Variants in GALNT11 observed in about 807,000 individuals in gnomAD.
The protein encoded by GALNT11 is polypeptide N-acetylgalactosaminyltransferase 11.
GALNT11 carries 47 observed loss-of-function variants against 72.7 expected under a neutral mutation model. The ratio of observed to expected loss-of-function variants is 0.65; its 90% CI spans 0.51 to 0.82. GALNT11 has a LOEUF of 0.82. GALNT11 is among the 40% of genes least tolerant of loss of function. The pLI is 0.00. For missense variants in GALNT11, 677 were observed against 778.4 expected (o/e 0.87, Z 1.55); for synonymous variants, 270 against 286.6 (o/e 0.94, Z 0.58).
chr7:152,099,829 A>G (rs977820072), intron 2 of GALNT11, among the ~76,000 whole-genome samples: 1 of 148,636 alleles, frequency 6.7e-6, no homozygotes, highest in African/African-American at 2.5e-5. Flanking sequence ...CAGTGGCACA[A>G]CTGTGGCTCA....
chr7:152,109,152 C>G (rs1035644056), intron 6 of GALNT11, among the ~76,000 whole-genome samples: 2 of 152,266 alleles, frequency 1.3e-5, no homozygotes, highest in Admixed American at 6.5e-5. Context: ...CAGCTGTAGG[C>G]TCTATCCGGG....
rs1317173420 is a variant in GALNT11 at position 152,069,996 on chromosome 7, TC to T, written c.-38-24193del. Among the ~76,000 whole-genome samples the T allele has an allele frequency of 1.2e-3, 165 of 143,298 alleles. 1 individual carries two copies. The highest frequency in any genetic ancestry group is 4.5e-3 in the African/African-American group (154 of 33,902). 94.0% of individuals were successfully genotyped at this position (143,298 alleles called of 152,430 possible). ...TTCTTTCTTTTTTCTTTTTTCTTTT[TC>T]TTTTTCTTTTTTTTTTTGAGACAGA... is the stretch of plus-strand genomic sequence containing the variant. On this transcript the variant is annotated intron_variant, in intron 1 of 11. Coordinates refer to ENST00000430044, the MANE Select transcript of GALNT11 (RefSeq NM_022087.4).
At chr7:152,097,354 A>C (rs992390435) in intron 2 of GALNT11, among the ~76,000 whole-genome samples, 3 of 152,202 alleles carry the variant, frequency 2.0e-5, no homozygotes, top group African/African-American at 7.2e-5. Context: ...GGAGAGTAGC[A>C]AGCGACAGTG....
chr7:152,052,532 T>A (rs1323559987), intron 1 of GALNT11, among the ~76,000 whole-genome samples: 1 of 152,194 alleles, frequency 6.6e-6, no homozygotes, highest in African/African-American at 2.4e-5. Context: ...CTTAAAGATC[T>A]TCGTACCTTA....
At chr7:152,044,013 C>G (rs2082998412) in intron 1 of GALNT11, among the ~76,000 whole-genome samples, 1 of 152,166 alleles carries the variant, frequency 6.6e-6, no homozygotes, top group South Asian at 2.1e-4. Flanking sequence ...GACCCTTTGA[C>G]CTGGGTTCGA....
At chr7:152,090,250 G>C (rs2085925223) in intron 1 of GALNT11, among the ~76,000 whole-genome samples, 2 of 152,254 alleles carry the variant, frequency 1.3e-5, no homozygotes, top group South Asian at 4.1e-4. Flanking sequence ...TGCAAAGGCA[G>C]TTTCATTTTA....
At chr7:152,068,358 T>C (rs1219728550) in intron 1 of GALNT11, among the ~76,000 whole-genome samples, 1 of 152,230 alleles carries the variant, frequency 6.6e-6, no homozygotes, top group Non-Finnish European at 1.5e-5. Context: ...TGATAGTTCT[T>C]CTTTTTGCTG....
intron 1 of GALNT11, among the ~76,000 whole-genome samples, chr7:152,073,465 A>AGT (rs767570778): frequency 4.6e-5 from 7 of 152,156 alleles, no homozygotes; most frequent in African/African-American, 1.7e-4. Context: ...TGTTGCTGTG[A>AGT]GTGACAGGAT....
In GALNT11 at chr7:152,094,951, G is replaced by A. The variant is rs149374446; in HGVS notation, c.295+429G>A. ...ACCACTGTGCCCAGCCCTGGAAGAA[G>A]GTTTTAATTGCTAGAATTGTTAATA... On this transcript the variant is annotated intron_variant, in intron 2 of 11. Transcript: ENST00000430044. This position sits in a 1 kb window ranked among gnomAD's most constrained non-coding sequence, Gnocchi z 4.3. 3.2e-3 allele frequency among the ~76,000 whole-genome samples: 484 copies of A among 152,174 alleles called. 1 individual carries two copies. Among genetic ancestry groups the A allele is most frequent in the Middle Eastern group, 0.01 (3 of 294 alleles).
At chr7:152,030,682 C>G (rs2082266674) in intron 1 of GALNT11, among the ~76,000 whole-genome samples, 4 of 151,608 alleles carry the variant, frequency 2.6e-5, no homozygotes, top group Non-Finnish European at 5.9e-5. Context: ...CTTTGTCTGT[C>G]TCTTCCTCTC....
At chr7:152,041,618 A>G (rs1031982683) in intron 1 of GALNT11, among the ~76,000 whole-genome samples, 4 of 152,170 alleles carry the variant, frequency 2.6e-5, no homozygotes, top group African/African-American at 7.2e-5. Flanking sequence ...CTCTGGATCT[A>G]TTCTATTTGA....
chr7:152,028,035 G>A (rs954066235), intron 1 of GALNT11, among the ~76,000 whole-genome samples: 2 of 152,226 alleles, frequency 1.3e-5, no homozygotes, highest in African/African-American at 4.8e-5. Flanking sequence ...CTGACTTCAG[G>A]AGTGAAGCCA....
rs3778922 is a variant in GALNT11, at chr7:152,105,247, G to T, written c.589G>T (p.Asp197Tyr). The T allele has an allele frequency of 9.6e-4, 1,555 of 1,612,470 alleles. 62 individuals carry two copies. In the East Asian group the frequency reaches 0.034, roughly 36 times the overall value. ...ILVDDDSDFD[D>Y]LKGELDEYVQ... ...TAATTGTGGGACTTTATTTTCAGAT[G>T]ATTTGAAAGGAGAACTAGATGAATA... is the stretch of plus-strand genomic sequence containing the variant. Residue 197 changes from aspartate (D) to tyrosine (Y), a missense_variant and splice_region_variant, in exon 5 of 12, where the codon GAT (aspartate) becomes TAT (tyrosine). Asp to Tyr is a radical substitution (Grantham distance 160). Transcript: ENST00000430044.
intron 1 of GALNT11, among the ~76,000 whole-genome samples, chr7:152,090,351 C>G (rs910468887): frequency 6.6e-6 from 1 of 151,968 alleles, no homozygotes. Flanking sequence ...TTTTATTATT[C>G]TTTTATGTTC....
At chr7:152,077,339 C>A (rs1025616984) in intron 1 of GALNT11, among the ~76,000 whole-genome samples, 1 of 152,182 alleles carries the variant, frequency 6.6e-6, no homozygotes, top group Non-Finnish European at 1.5e-5. Flanking sequence ...AGACGTGAGC[C>A]TCTGACCCAG....
intron 1 of GALNT11, among the ~76,000 whole-genome samples, chr7:152,068,308 G>A (rs765640959): frequency 6.6e-6 from 1 of 152,146 alleles, no homozygotes; most frequent in Non-Finnish European, 1.5e-5. Flanking sequence ...CCTTCATTTA[G>A]CAATATGCAT....
intron 1 of GALNT11, among the ~76,000 whole-genome samples, chr7:152,033,033 C>T (rs1266967578): frequency 3.3e-5 from 5 of 152,210 alleles, no homozygotes; most frequent in African/African-American, 7.2e-5. Context: ...AAGTCAATTT[C>T]CTGGCCTTCA....
At chr7:152,106,478 A>G (rs2087567671) in intron 5 of GALNT11, among the ~76,000 whole-genome samples, 1 of 151,744 alleles carries the variant, frequency 6.6e-6, no homozygotes, top group South Asian at 2.1e-4. Flanking sequence ...GCTCCTCTAC[A>G]TCCTATCTGC....
At chr7:152,092,422 C>G (rs2086099614) in intron 1 of GALNT11, among the ~76,000 whole-genome samples, 2 of 152,164 alleles carry the variant, frequency 1.3e-5, no homozygotes, top group African/African-American at 4.8e-5. Context: ...GACATAGCAG[C>G]GCTTTCACTG....
Sources: allele counts gnomAD v4.1 joint callset (sites outside exome capture counted in the v4.1 genomes callset), GRCh38; gene constraint gnomAD v4.1.1; non-coding constraint Gnocchi (gnomAD v3.1); transcripts MANE v1.5; gene names NCBI Gene and HGNC (gene_info 2026-07-23, HGNC 2026-07-21).